The following BRME1 variants were observed in gnomAD, a reference collection of about 807,000 sequenced individuals.
BRME1 encodes the protein break repair meiotic recombinase recruitment factor 1.
A neutral mutation model predicts 52.6 loss-of-function variants in BRME1; 31 were observed. The observed-to-expected ratio is 0.59, with a 90% CI of 0.44 to 0.80. The LOEUF is 0.80. Among genes scored for constraint, BRME1 ranks in the 30% least tolerant of loss-of-function variants. BRME1 has a pLI of 0.00. For missense variants in BRME1, 804 were observed against 860.3 expected (o/e 0.93, Z 0.82); for synonymous variants, 359 against 353.6 (o/e 1.02, Z -0.17).
In BRME1 at chr19:13,890,061, C is replaced by T; in HGVS notation, c.795G>A (p.Leu265=). 6.2e-7 allele frequency: 1 copy of T among 1,613,608 alleles called. No individual in the cohort carries two copies. The highest frequency in any genetic ancestry group is 8.5e-7 in the Non-Finnish European group (1 of 1,179,834). ...CTCCCTCCTCCTGGGGCCCTCCAGGCAGGCCAGCCCCTGCTGTCCTTTGGG... is the reference window on the plus strand; with the variant it reads ...CTCCCTCCTCCTGGGGCCCTCCAGGTAGGCCAGCCCCTGCTGTCCTTTGGG... ...GGAQRTAGAG[L]PGGPQEEGDG... Residue 265 remains leucine (L), a synonymous_variant, in exon 6 of 9, where the codon CTG becomes CTA. Transcript: ENST00000586783.
chr19:13,893,143 T>C lies in BRME1; in HGVS notation c.287A>G (p.Gln96Arg). 6.3e-7 allele frequency: 1 copy of C among 1,596,294 alleles called. No individual in the cohort carries two copies. The highest frequency in any genetic ancestry group is 8.5e-7 in the Non-Finnish European group (1 of 1,172,208). ...CACGAGGCCACAGGACGAGCTCACC[T>C]GGGAAGGAGGAAGGGGAGCTGGCTC... Reference protein sequence around the residue: ...EKEPAPLPPSQNSFGRFVPQF... With the variant: ...EKEPAPLPPSRNSFGRFVPQF... The change falls in exon 4 of 9, where the codon CAG (glutamine) becomes CGG (arginine). Residue 96 changes from glutamine (Q) to arginine (R), a missense_variant and splice_region_variant. Transcript: ENST00000586783.
At position 13,883,270 on chromosome 19, in the gene BRME1, C is replaced by T. The variant is rs1386930319; in HGVS notation, c.1856+38G>A. The stretch of plus-strand genomic sequence containing the variant: ...CTCCTCTGAGTCCCCACTGGCCTCC[C>T]GCAGACCCTGTGCCGTGAGTCCAAG... On this transcript the variant is annotated intron_variant, in intron 8 of 8. Coordinates refer to ENST00000586783, the MANE Select transcript of BRME1 (RefSeq NM_001345843.2). The surrounding 1 kb of genome is among the most constrained non-coding windows in gnomAD (Gnocchi z 4.2). The T allele has an allele frequency of 6.0e-6, 9 of 1,504,348 alleles. No homozygotes were observed. The highest frequency in any genetic ancestry group is 1.7e-4 in the Middle Eastern group (1 of 5,914). 93.2% of individuals were successfully genotyped at this position (1,504,348 alleles called of 1,614,324 possible).
chr19:13,883,313 G>A lies in BRME1; in HGVS notation c.1851C>T (p.Asn617=). ...AGTCCAAGCCCACCCCGTACTTCAG[G>A]TTGGAGAGCTCAACGATGAGGCCAC... The part of the protein sequence containing the change: ...VVRGLIVELS[N]LNRLIMGTHR... The change falls in exon 8 of 9, where the codon AAC becomes AAT. Residue 617 remains asparagine (N), a synonymous_variant. Coordinates refer to ENST00000586783, the MANE Select transcript of BRME1 (RefSeq NM_001345843.2). The surrounding 1 kb of genome is among the most constrained non-coding windows in gnomAD (Gnocchi z 4.2). The A allele has an allele frequency of 1.3e-6, 2 of 1,533,810 alleles. No homozygotes were observed. Among genetic ancestry groups the A allele is most frequent in the Non-Finnish European group, 1.7e-6 (2 of 1,145,100 alleles).
chr19:13,892,727 G>T, intron 5 of BRME1, 59 bp downstream of exon 5: 1 of 1,427,434 alleles, frequency 7.0e-7, no homozygotes, highest in Non-Finnish European at 9.9e-7. Flanking sequence ...GGGCTGCCGA[G>T]GCTGGGCCAG....
intron 2 of BRME1, among the ~76,000 whole-genome samples, chr19:13,898,395 T>A (rs1463585236): frequency 6.6e-6 from 1 of 151,948 alleles, no homozygotes; most frequent in African/African-American, 2.4e-5. Flanking sequence ...GGGGGTAGGA[T>A]CACTTGAGTC....
chr19:13,887,957 CT>C (rs1230988570), intron 6 of BRME1, among the ~76,000 whole-genome samples: 1 of 151,920 alleles, frequency 6.6e-6, no homozygotes, highest in Non-Finnish European at 1.5e-5. Context: ...GAGAGTCTTG[CT>C]CTCTTGCCCA....
At chr19:13,898,014 G>A (rs917692494) in intron 2 of BRME1, among the ~76,000 whole-genome samples, 2 of 151,568 alleles carry the variant, frequency 1.3e-5, no homozygotes, top group Non-Finnish European at 2.9e-5. Flanking sequence ...CAGGAGAATC[G>A]CTTGAATCCG....
intron 2 of BRME1, among the ~76,000 whole-genome samples, chr19:13,903,601 A>G (rs1970440948): frequency 8.2e-6 from 1 of 122,612 alleles, no homozygotes; most frequent in Non-Finnish European, 1.6e-5. Flanking sequence ...TGAACCCAGG[A>G]GGTGGAGGCT....
At chr19:13,896,426 T>C (rs542658384) in intron 2 of BRME1, among the ~76,000 whole-genome samples, 28 of 146,852 alleles carry the variant, frequency 1.9e-4, no homozygotes, top group African/African-American at 6.2e-4. Context: ...TTATGATATA[T>C]TAATATATTA....
Position 13,890,299 on chromosome 19 carries a change from C to T in BRME1, c.557G>A (p.Ser186Asn). The change falls in exon 6 of 9, where the codon AGT becomes AAT. Residue 186 changes from serine (S) to asparagine (N), a missense_variant. Physicochemically the swap from Ser to Asn is conservative, Grantham distance 46. Transcript: ENST00000586783. ...AGGGTCATCAGGCTGAGAATCCCCA[C>T]TGCCGGGCACCGCCTGCACAGGGCT... is the stretch of plus-strand genomic sequence containing the variant. ...SQSPVQAVPG[S>N]GDSQPDDPPD... The T allele has an allele frequency of 1.2e-6, 2 of 1,610,126 alleles. No individual in the cohort carries two copies. Among genetic ancestry groups the T allele is most frequent in the East Asian group, 2.2e-5 (1 of 44,884 alleles).
chr19:13,889,995 G>A lies in BRME1; in HGVS notation c.861C>T (p.Gly287=). 6.2e-7 allele frequency: 1 copy of A among 1,612,940 alleles called. No homozygotes were observed. Among genetic ancestry groups the A allele is most frequent in the Non-Finnish European group, 8.5e-7 (1 of 1,179,974 alleles). The change falls in exon 6 of 9, where the codon GGC becomes GGT. Residue 287 remains glycine (G), a synonymous_variant. Transcript: ENST00000586783. Reference sequence around the variant, plus strand: ...AGGCAGGGCCCAGTCCTGGAGCAGGGCCTGAGGTAGGAGCTGATGCTGGGG... The same window carrying A: ...AGGCAGGGCCCAGTCCTGGAGCAGGACCTGAGGTAGGAGCTGATGCTGGGG... The part of the protein sequence containing the change: ...PCTPASAPTS[G]PAPGLGPASW...
Position 13,892,793 on chromosome 19 carries a change from A to T in BRME1, c.386T>A (p.Phe129Tyr). The change falls in exon 5 of 9, where the codon TTT becomes TAT. Residue 129 changes from phenylalanine to tyrosine, a missense_variant. Around this residue, in one of 3 missense-constraint regions of BRME1, gnomAD observed 234 missense variants for 258.1 expected, o/e 0.91. Coordinates refer to ENST00000586783, the MANE Select transcript of BRME1 (RefSeq NM_001345843.2). ...MKDEDRGSGA[F>Y]SLETIAESSA... ...CTGATTTTAGAGCCTTACCAGGCTA[A>T]AGGCCCCACTCCCACGGTCCTCATC... 6.2e-7 allele frequency: 1 copy of T among 1,613,758 alleles called. No individual in the cohort carries two copies. The highest frequency in any genetic ancestry group is 8.5e-7 in the Non-Finnish European group (1 of 1,179,676).
chr19:13,884,497 G>A (rs1244128243), intron 7 of BRME1, among the ~76,000 whole-genome samples: 6 of 151,916 alleles, frequency 3.9e-5, no homozygotes, highest in East Asian at 3.9e-4. Context: ...GTGTGGTGGC[G>A]GGTACCTGTA....
At position 13,882,727 on chromosome 19, in the gene BRME1, C is replaced by A; in HGVS notation, c.*75G>T. The A allele has an allele frequency of 2.5e-6, 4 of 1,582,188 alleles. No homozygotes were observed. The South Asian group carries it at 3.4e-5, about 13-fold the overall frequency. On this transcript the variant is annotated 3_prime_UTR_variant, in exon 9 of 9. Transcript: ENST00000586783. Reference sequence around the variant, plus strand: ...GGGAGGTTTGTAGGGTCCACTAGGACCCCCTGGAGCATCTTGGAGGAGGTC... The same window carrying A: ...GGGAGGTTTGTAGGGTCCACTAGGAACCCCTGGAGCATCTTGGAGGAGGTC...
chr19:13,891,135 T>TTTCTTATTATTATTA (rs59151567), intron 5 of BRME1, among the ~76,000 whole-genome samples: 1 of 146,634 alleles, frequency 6.8e-6, no homozygotes, highest in African/African-American at 2.6e-5. Context: ...CAATTTCCTG[T>TTTCTTATTATTATTA]TTATTATTAT....
At chr19:13,897,880 AC>A (rs1366226499) in intron 2 of BRME1, among the ~76,000 whole-genome samples, 1 of 150,514 alleles carries the variant, frequency 6.6e-6, no homozygotes, top group Non-Finnish European at 1.5e-5. Flanking sequence ...TTTAAATTAA[AC>A]ATTTAAATTA....
chr19:13,889,297 G>C lies in BRME1; in HGVS notation c.1559C>G (p.Ala520Gly). The change falls in exon 6 of 9, where the codon GCA becomes GGA. Residue 520 changes from alanine (A) to glycine (G), a missense_variant. Ala to Gly is a moderately conservative substitution (Grantham distance 60). Coordinates refer to ENST00000586783, the MANE Select transcript of BRME1 (RefSeq NM_001345843.2). ...AGQRDHLPHS[A>G]DQGTWADSLA... ...AGAGTCTGCCCAGGTGCCCTGGTCT[G>C]CAGAATGAGGCAGGTGGTCTCGCTG... 6.2e-7 allele frequency: 1 copy of C among 1,614,160 alleles called. No individual in the cohort carries two copies. Among genetic ancestry groups the C allele is most frequent in the Non-Finnish European group, 8.5e-7 (1 of 1,180,034 alleles).
chr19:13,892,729 C>T, intron 5 of BRME1, 57 bp downstream of exon 5: 2 of 1,447,728 alleles, frequency 1.4e-6, no homozygotes, highest in Non-Finnish European at 1.9e-6. Flanking sequence ...GCTGCCGAGG[C>T]TGGGCCAGGA....
intron 6 of BRME1, 82 bp downstream of exon 6, chr19:13,889,106 A>C: frequency 7.6e-7 from 1 of 1,319,926 alleles, no homozygotes; most frequent in Non-Finnish European, 1.0e-6. Flanking sequence ...CCCCTCTGCC[A>C]CTGCACCGAG....
Sources: allele counts gnomAD v4.1 joint callset (sites outside exome capture counted in the v4.1 genomes callset), GRCh38; gene constraint gnomAD v4.1.1; regional missense constraint gnomAD v4.1.1; non-coding constraint Gnocchi (gnomAD v3.1); transcripts MANE v1.5; gene names NCBI Gene and HGNC (gene_info 2026-07-23, HGNC 2026-07-21).